MGA: variants seen among roughly 807,000 people sequenced by gnomAD.
The protein encoded by MGA is MAX gene-associated protein.
Under a neutral mutation model 261.1 loss-of-function variants are expected in MGA, and 40 were observed. The observed-to-expected ratio is 0.15, with a 90% CI of 0.12 to 0.20. The LOEUF (loss-of-function observed/expected upper bound fraction) is 0.20. Ranked by LOEUF, MGA falls within the 10% of genes least tolerant of loss-of-function variation. MGA has a pLI of 1.00. For missense variants in MGA, 3,397 were observed against 3,630.5 expected (o/e 0.94, Z 1.65); for synonymous variants, 1,302 against 1,290.6 (o/e 1.01, Z -0.19).
At chr15:41,627,878 A>G (rs1030403027) in intron 1 of MGA, among the ~76,000 whole-genome samples, 1 of 152,252 alleles carries the variant, frequency 6.6e-6, no homozygotes, top group African/African-American at 2.4e-5. Context: ...ATTCAAAGGT[A>G]GGAAAGGAAT....
At chr15:41,638,809 G>T (rs560053757) in intron 1 of MGA, among the ~76,000 whole-genome samples, 1 of 150,064 alleles carries the variant, frequency 6.7e-6, no homozygotes, top group Non-Finnish European at 1.5e-5. Context: ...TCCTACCTCA[G>T]CCTCCCTATT....
At position 41,750,396 on chromosome 15, in the gene MGA, C is replaced by T. The variant is rs1595972176; in HGVS notation, c.6789C>T (p.Ser2263=). 1 of 1,613,860 alleles carries T rather than the reference C, an allele frequency of 6.2e-7. No individual in the cohort carries two copies. Among genetic ancestry groups the T allele is most frequent in the Non-Finnish European group, 8.5e-7 (1 of 1,179,854 alleles). ...TTGTTCCTAGGAGAGCTGCAAAAAG[C>T]AGCAGAGGGAATGGACATTTTCAGG... The change falls in exon 17 of 24, where the codon AGC becomes AGT. Residue 2263 remains serine (S), a synonymous_variant. Transcript: ENST00000219905.
chr15:41,728,544 G>T (rs1023501276), intron 10 of MGA, among the ~76,000 whole-genome samples: 1 of 152,092 alleles, frequency 6.6e-6, no homozygotes, highest in Admixed American at 6.5e-5. Context: ...CTATAGAAAA[G>T]AAAATGTTAC....
chr15:41,661,708 C>T (rs534604516), intron 1 of MGA, among the ~76,000 whole-genome samples: 4 of 152,176 alleles, frequency 2.6e-5, no homozygotes, highest in Non-Finnish European at 5.9e-5. Context: ...CAGGCTTATG[C>T]GGCTGAGTCC....
intron 22 of MGA, among the ~76,000 whole-genome samples, chr15:41,763,328 C>G (rs1596025363): frequency 6.6e-6 from 1 of 151,132 alleles, no homozygotes; most frequent in East Asian, 2.0e-4. Flanking sequence ...GTCTCGATCT[C>G]CTGACCTCGT....
intron 9 of MGA, among the ~76,000 whole-genome samples, chr15:41,720,175 C>A (rs1324602045): frequency 1.3e-5 from 2 of 152,046 alleles, no homozygotes; most frequent in African/African-American, 4.8e-5. Flanking sequence ...TCAAGAGTTA[C>A]AAAATTACCA....
chr15:41,686,473 T>A (rs1253331254), intron 2 of MGA, among the ~76,000 whole-genome samples: 1 of 152,144 alleles, frequency 6.6e-6, no homozygotes, highest in African/African-American at 2.4e-5. Flanking sequence ...GAGGTTGAGG[T>A]TGCAGTGAGC....
chr15:41,661,001 C>G (rs901706444), intron 1 of MGA, among the ~76,000 whole-genome samples: 1 of 152,222 alleles, frequency 6.6e-6, no homozygotes, highest in African/African-American at 2.4e-5. Flanking sequence ...GTCGGCGTCG[C>G]TTTTCTGAGA....
chr15:41,707,959 TTAGTC>T, intron 6 of MGA, 100 bp downstream of exon 6: 1 of 1,437,426 alleles, frequency 7.0e-7, no homozygotes, highest in Non-Finnish European at 9.5e-7. Context: ...ACATTTAACA[TTAGTC>T]TAAGATAGAT....
chr15:41,685,698 A>C (rs991731433), intron 2 of MGA, among the ~76,000 whole-genome samples: 1 of 152,158 alleles, frequency 6.6e-6, no homozygotes, highest in Admixed American at 6.5e-5. Context: ...CATTTAAAAT[A>C]ATTTTCCAGT....
At chr15:41,690,107 A>G (rs1032256505) in intron 2 of MGA, among the ~76,000 whole-genome samples, 1 of 152,092 alleles carries the variant, frequency 6.6e-6, no homozygotes, top group African/African-American at 2.4e-5. Context: ...ACCACTCCCC[A>G]GCTCCACCCA....
rs776766176 is a variant in MGA at position 41,749,522 on chromosome 15, C to T, written c.5915C>T (p.Ser1972Phe). 1.2e-6 allele frequency: 2 copies of T among 1,613,780 alleles called. No homozygotes were observed. Among genetic ancestry groups the T allele is most frequent in the South Asian group, 2.2e-5 (2 of 91,086 alleles). The change falls in exon 17 of 24, where the codon TCT becomes TTT. Residue 1972 changes from serine to phenylalanine, a missense_variant. By Grantham distance (155) the Ser-to-Phe change is radical. Around this residue, in one of 9 missense-constraint regions of MGA, gnomAD observed 1,410 missense variants for 1,386.4 expected, o/e 1.02. Coordinates refer to ENST00000219905, the MANE Select transcript of MGA (RefSeq NM_001164273.2). ...GCTTCCCTTCAGATGAAGAGAGAAT[C>T]TCAGAATCCAGACCAGAAAGATGAA...
At chr15:41,706,383 G>A (rs1021544917) in intron 5 of MGA, among the ~76,000 whole-genome samples, 10 of 150,370 alleles carry the variant, frequency 6.7e-5, no homozygotes, top group African/African-American at 2.5e-4. Flanking sequence ...AAGTAGTTGG[G>A]CCTACAGGTG....
intron 5 of MGA, 34 bp downstream of exon 5, chr15:41,699,193 C>CT: frequency 2.2e-6 from 3 of 1,353,392 alleles, no homozygotes; most frequent in Admixed American, 2.8e-5. Context: ...TTTTTGTTTT[C>CT]TTTTTTTCTT....
chr15:41,630,738 C>G (rs1270068083), intron 1 of MGA, among the ~76,000 whole-genome samples: 1 of 152,104 alleles, frequency 6.6e-6, no homozygotes, highest in African/African-American at 2.4e-5. Context: ...ACTTTTCCAC[C>G]CAGCTTCTCA....
chr15:41,726,091 T>A (rs1276500101), intron 9 of MGA, among the ~76,000 whole-genome samples: 1 of 152,226 alleles, frequency 6.6e-6, no homozygotes, highest in African/African-American at 2.4e-5. Context: ...TTTCATTGCG[T>A]CTATATTGAT....
intron 17 of MGA, 34 bp downstream of exon 17, chr15:41,750,649 A>G: frequency 1.3e-6 from 2 of 1,535,856 alleles, no homozygotes; most frequent in Non-Finnish European, 1.7e-6. Context: ...ACTGAAACCT[A>G]AAGGATTTAA....
At position 41,696,672 on chromosome 15, in the gene MGA, T is replaced by G; in HGVS notation, c.1662T>G (p.Pro554=). 1 of 1,612,842 alleles carries G rather than the reference T, an allele frequency of 6.2e-7. No individual in the cohort carries two copies. The highest frequency in any genetic ancestry group is 8.5e-7 in the Non-Finnish European group (1 of 1,179,388). ...TGAAAGAGCCTCAGTGGAAATATCC[T>G]GATATATCTGACAGCATTAGCACAG... Residue 554 remains proline, a synonymous_variant, in exon 3 of 24, where the codon CCT becomes CCG. Coordinates refer to ENST00000219905, the MANE Select transcript of MGA (RefSeq NM_001164273.2).
intron 2 of MGA, among the ~76,000 whole-genome samples, chr15:41,692,715 C>A (rs534295482): frequency 6.6e-6 from 1 of 152,014 alleles, no homozygotes; most frequent in South Asian, 2.1e-4. Flanking sequence ...TGGAGGATTT[C>A]CTTTTTCTTT....
Sources: gnomAD v4.1 joint callset for allele counts (sites outside exome capture counted in the v4.1 genomes callset) on GRCh38, gnomAD v4.1.1 for gene constraint, gnomAD v4.1.1 regional missense constraint, MANE v1.5 for transcripts, NCBI Gene and HGNC (gene_info 2026-07-23, HGNC 2026-07-21) for gene names.